EFNA5: variants seen among roughly 807,000 people sequenced by gnomAD.
The protein encoded by EFNA5 is ephrin A5.
In EFNA5, 5 loss-of-function variants were observed where a neutral mutation model predicts 22.9. That is an observed-to-expected ratio of 0.22 (90% CI 0.11 to 0.46). The LOEUF is 0.46. Among genes scored for constraint, EFNA5 ranks in the 20% least tolerant of loss-of-function variants. The pLI, the probability that EFNA5 is intolerant of heterozygous loss-of-function variation, is 0.99. For synonymous variants in EFNA5, 113 were observed against 112.2 expected, an observed-to-expected ratio of 1.01 and a Z score of -0.04; for missense variants, 237 against 293.3, an observed-to-expected ratio of 0.81 and a Z score of 1.40.
chr5:107,599,777 A>G (rs530001345), intron 1 of EFNA5, among the ~76,000 whole-genome samples: 36 of 152,346 alleles, frequency 2.4e-4, no homozygotes, highest in African/African-American at 7.2e-4. Context: ...GTATGCTTCT[A>G]GGAAAATCCT....
intron 1 of EFNA5, among the ~76,000 whole-genome samples, chr5:107,529,105 T>C (rs1461540888): frequency 6.6e-6 from 1 of 152,180 alleles, no homozygotes; most frequent in African/African-American, 2.4e-5. Flanking sequence ...ATTTCACAGG[T>C]TGTTTTTCTT....
rs1321914684 is a variant in EFNA5 at position 107,421,942 on chromosome 5, C to T, written c.418+5275G>A. Among the ~76,000 whole-genome samples the T allele has an allele frequency of 2.0e-5, 3 of 152,074 alleles. No individual in the cohort carries two copies. The East Asian group carries it at 5.8e-4, about 29-fold the overall frequency. ...GAGTAGCTGGGGTTACAGGCATGAG[C>T]TACCACGCCCGTCTAATTTTGCATT... On this transcript the variant is annotated intron_variant, in intron 2 of 4. Transcript: ENST00000333274.
At chr5:107,644,595 T>A (rs578117600) in intron 1 of EFNA5, among the ~76,000 whole-genome samples, 1 of 152,242 alleles carries the variant, frequency 6.6e-6, no homozygotes, top group Non-Finnish European at 1.5e-5. Flanking sequence ...AAAATCTTTG[T>A]TAATTACCTA....
At chr5:107,406,701 A>G (rs916131033) in intron 2 of EFNA5, among the ~76,000 whole-genome samples, 2 of 152,060 alleles carry the variant, frequency 1.3e-5, no homozygotes, top group Non-Finnish European at 2.9e-5. Flanking sequence ...TTATTTGCTT[A>G]TTTAATCCCC....
At chr5:107,645,836 T>C (rs991093016) in intron 1 of EFNA5, among the ~76,000 whole-genome samples, 1 of 152,234 alleles carries the variant, frequency 6.6e-6, no homozygotes, top group African/African-American at 2.4e-5. Context: ...CAGATAAATA[T>C]GGATTCAGTA....
At chr5:107,572,490 A>G (rs1016254642) in intron 1 of EFNA5, among the ~76,000 whole-genome samples, 37 of 152,192 alleles carry the variant, frequency 2.4e-4, no homozygotes, top group Admixed American at 2.4e-3. Context: ...GGGGCCGCCA[A>G]AGGGAACCTG....
At chr5:107,387,923 G>T in intron 2 of EFNA5, 152 bp from the exon 3 acceptor site, 1 of 579,038 alleles carries the variant, frequency 1.7e-6, no homozygotes, top group Non-Finnish European at 3.0e-6. Flanking sequence ...AAAACAAACA[G>T]TACTTTTCAG....
At chr5:107,605,259 A>G (rs1051856949) in intron 1 of EFNA5, among the ~76,000 whole-genome samples, 3 of 152,130 alleles carry the variant, frequency 2.0e-5, no homozygotes, top group Admixed American at 6.6e-5. Context: ...GAAGGAAAGC[A>G]TATATATGAC....
chr5:107,415,031 C>G (rs755722099), intron 2 of EFNA5, among the ~76,000 whole-genome samples: 4 of 152,138 alleles, frequency 2.6e-5, no homozygotes, highest in African/African-American at 9.7e-5. Context: ...AGTCAGAATG[C>G]CTTTGCTCAA....
intron 1 of EFNA5, among the ~76,000 whole-genome samples, chr5:107,532,824 C>T (rs1747843529): frequency 6.6e-6 from 1 of 152,096 alleles, no homozygotes; most frequent in South Asian, 2.1e-4. Context: ...GTCTAAACAA[C>T]CTCATAATTT....
chr5:107,477,673 T>C (rs538165134), intron 1 of EFNA5, among the ~76,000 whole-genome samples: 1 of 152,304 alleles, frequency 6.6e-6, no homozygotes, highest in South Asian at 2.1e-4. Flanking sequence ...TTTCTCAAGG[T>C]GTGGCTATTG....
At chr5:107,507,839 T>C (rs1294257586) in intron 1 of EFNA5, among the ~76,000 whole-genome samples, 1 of 152,202 alleles carries the variant, frequency 6.6e-6, no homozygotes, top group Non-Finnish European at 1.5e-5. Context: ...GGTAAAAATG[T>C]AGCTATTAGA....
chr5:107,498,082 A>G (rs1747032656), intron 1 of EFNA5, among the ~76,000 whole-genome samples: 1 of 152,022 alleles, frequency 6.6e-6, no homozygotes, highest in Non-Finnish European at 1.5e-5. Context: ...TGCCCAGCTA[A>G]TTTTTGTATT....
intron 1 of EFNA5, among the ~76,000 whole-genome samples, chr5:107,498,826 A>G (rs1370519049): frequency 6.6e-6 from 1 of 152,142 alleles, no homozygotes; most frequent in Non-Finnish European, 1.5e-5. Flanking sequence ...GGTAGGTTTG[A>G]TGCCAATGTA....
intron 1 of EFNA5, among the ~76,000 whole-genome samples, chr5:107,633,272 C>T (rs1356815612): frequency 6.6e-6 from 1 of 152,168 alleles, no homozygotes; most frequent in Non-Finnish European, 1.5e-5. Flanking sequence ...ACAAGTAAGC[C>T]AGCCAGTTCT....
chr5:107,574,499 A>G (rs181853610), intron 1 of EFNA5, among the ~76,000 whole-genome samples: 235 of 152,362 alleles, frequency 1.5e-3, no homozygotes, highest in Non-Finnish European at 2.9e-3. Context: ...TGGCTTCTCC[A>G]TTCTCCAGAT....
intron 2 of EFNA5, among the ~76,000 whole-genome samples, chr5:107,388,075 G>T (rs1347820745): frequency 6.6e-6 from 1 of 152,150 alleles, no homozygotes; most frequent in Non-Finnish European, 1.5e-5. Context: ...AACTTGATCT[G>T]TTATCAATTT....
At chr5:107,480,951 G>T (rs1424894182) in intron 1 of EFNA5, among the ~76,000 whole-genome samples, 1 of 152,214 alleles carries the variant, frequency 6.6e-6, no homozygotes, top group African/African-American at 2.4e-5. Context: ...AGTATGTTAG[G>T]TAGACAAGAG....
chr5:107,518,273 A>G (rs946127478), intron 1 of EFNA5, among the ~76,000 whole-genome samples: 5 of 126,440 alleles, frequency 4.0e-5, no homozygotes, highest in South Asian at 2.5e-4. Flanking sequence ...CCCCACTCGG[A>G]AAAAAAAAAA....
Sources: allele counts gnomAD v4.1 joint callset (sites outside exome capture counted in the v4.1 genomes callset), GRCh38; gene constraint gnomAD v4.1.1; transcripts MANE v1.5; gene names NCBI Gene and HGNC (gene_info 2026-07-23, HGNC 2026-07-21).